PACRG: variants seen among roughly 807,000 people sequenced by gnomAD.
PACRG encodes the protein parkin coregulated gene protein.
A neutral mutation model predicts 29.7 loss-of-function variants in PACRG; 29 were observed. That is an observed-to-expected ratio of 0.98 (90% CI 0.73 to 1.33). The LOEUF (loss-of-function observed/expected upper bound fraction) is 1.33. PACRG is among the 40% of genes most tolerant of loss of function. The probability of loss-of-function intolerance (pLI) is 0.00; values close to 1 mark genes in which losing one functional copy is unlikely to be tolerated. For missense variants in PACRG, 279 were observed against 316.2 expected (o/e 0.88, Z 0.89); for synonymous variants, 116 against 118.7 (o/e 0.98, Z 0.15).
At chr6:162,978,063 G>C (rs997793414) in intron 2 of PACRG, among the ~76,000 whole-genome samples, 1 of 150,610 alleles carries the variant, frequency 6.6e-6, no homozygotes, top group African/African-American at 2.5e-5. Flanking sequence ...AGAATCACTT[G>C]AACCCGGGAG....
intron 4 of PACRG, among the ~76,000 whole-genome samples, chr6:163,099,081 C>T (rs920642396): frequency 5.9e-5 from 9 of 152,312 alleles, no homozygotes; most frequent in African/African-American, 2.2e-4. Context: ...GGGGATGCAG[C>T]CCAGTGGGTC....
intron 2 of PACRG, among the ~76,000 whole-genome samples, chr6:162,895,110 C>A (rs1795066438): frequency 6.7e-6 from 1 of 149,138 alleles, no homozygotes. Context: ...CCCCCGCCCC[C>A]AAAAAAAAAT....
chr6:163,067,699 G>A (rs768799171), intron 3 of PACRG, among the ~76,000 whole-genome samples: 2 of 152,130 alleles, frequency 1.3e-5, no homozygotes, highest in Non-Finnish European at 2.9e-5. Flanking sequence ...TCTTGATTTG[G>A]AAACTCCTTT....
chr6:163,095,599 T>C (rs532753560), intron 4 of PACRG: 157 of 275,762 alleles, frequency 5.7e-4, no homozygotes, highest in African/African-American at 3.5e-3. Context: ...CTGCTGCTTC[T>C]AGCTTCCGGA....
chr6:163,123,533 C>G (rs1039797026), intron 4 of PACRG, among the ~76,000 whole-genome samples: 1 of 152,182 alleles, frequency 6.6e-6, no homozygotes, highest in African/African-American at 2.4e-5. Context: ...TTACTACCCT[C>G]CTAACAGAAT....
chr6:162,886,911 A>G (rs1440899691), intron 2 of PACRG, among the ~76,000 whole-genome samples: 1 of 152,146 alleles, frequency 6.6e-6, no homozygotes, highest in Non-Finnish European at 1.5e-5. Context: ...TATTATTATT[A>G]TTAGTATTAT....
chr6:162,943,643 ACT>A lies in PACRG; in HGVS notation c.292-118505_292-118504del, dbSNP rs556200000. On this transcript the variant is annotated intron_variant, in intron 2 of 4. Transcript: ENST00000366888. ...CACCACTTGGGGAGCCTGAGGACAG[ACT>A]CACTTAGCCTGGCTCCACCACCTCC... 1.6e-4 allele frequency among the ~76,000 whole-genome samples: 24 copies of A among 151,972 alleles called. No homozygotes were observed. In the East Asian group the frequency reaches 4.5e-3, roughly 28 times the overall value.
chr6:162,770,138 G>A (rs929499424), intron 1 of PACRG, among the ~76,000 whole-genome samples: 1 of 152,018 alleles, frequency 6.6e-6, no homozygotes, highest in Non-Finnish European at 1.5e-5. Context: ...TGCTGCTAAG[G>A]CTTTTTAAAC....
chr6:162,855,557 G>A (rs1791318164), intron 2 of PACRG, among the ~76,000 whole-genome samples: 1 of 152,116 alleles, frequency 6.6e-6, no homozygotes. Context: ...ATATTGAAAT[G>A]GCTTTCAAAA....
At chr6:162,953,022 G>A (rs1010081198) in intron 2 of PACRG, among the ~76,000 whole-genome samples, 12 of 152,060 alleles carry the variant, frequency 7.9e-5, no homozygotes, top group African/African-American at 2.2e-4. Flanking sequence ...ATTCTTTGGC[G>A]TACAAAAATT....
intron 1 of PACRG, among the ~76,000 whole-genome samples, chr6:162,745,078 A>T (rs1190897563): frequency 1.3e-5 from 2 of 152,298 alleles, no homozygotes; most frequent in East Asian, 3.9e-4. Flanking sequence ...GATAACTTTC[A>T]TATTTAATGG....
chr6:163,011,775 A>G (rs1462450750), intron 2 of PACRG, among the ~76,000 whole-genome samples: 1 of 152,146 alleles, frequency 6.6e-6, no homozygotes. Context: ...TCCTTATTCT[A>G]TAAGCTCTTT....
At chr6:163,227,447 G>A (rs570287338) in intron 4 of PACRG, among the ~76,000 whole-genome samples, 4 of 152,256 alleles carry the variant, frequency 2.6e-5, no homozygotes, top group East Asian at 3.9e-4. Context: ...ACATTTGAGC[G>A]CGATCAGATA....
chr6:163,302,934 G>C (rs1369822265), intron 4 of PACRG, among the ~76,000 whole-genome samples: 2 of 152,166 alleles, frequency 1.3e-5, no homozygotes, highest in African/African-American at 4.8e-5. Flanking sequence ...TTGTTATGAT[G>C]GTGAGCACTG....
At chr6:162,763,557 C>T (rs977693352) in intron 1 of PACRG, among the ~76,000 whole-genome samples, 9 of 152,116 alleles carry the variant, frequency 5.9e-5, no homozygotes, top group South Asian at 4.1e-4. Context: ...CAGAGTTTAA[C>T]GATATTCACA....
intron 1 of PACRG, among the ~76,000 whole-genome samples, chr6:162,764,784 C>A (rs1468012775): frequency 6.6e-6 from 1 of 151,136 alleles, no homozygotes; most frequent in Non-Finnish European, 1.5e-5. Context: ...TGCTCTGTTG[C>A]CCAGGCTGGA....
At chr6:162,888,169 G>C (rs1794497088) in intron 2 of PACRG, among the ~76,000 whole-genome samples, 1 of 151,872 alleles carries the variant, frequency 6.6e-6, no homozygotes, top group South Asian at 2.1e-4. Context: ...TCCTCATCTA[G>C]GGGGTTTCTG....
intron 4 of PACRG, among the ~76,000 whole-genome samples, chr6:163,286,057 T>A (rs779033341): frequency 3.9e-5 from 6 of 152,226 alleles, no homozygotes; most frequent in Non-Finnish European, 7.3e-5. Flanking sequence ...TGGAGCATGA[T>A]CTATCTTTAT....
chr6:162,794,013 A>G (rs568827437), intron 1 of PACRG, among the ~76,000 whole-genome samples: 16 of 152,320 alleles, frequency 1.1e-4, no homozygotes, highest in African/African-American at 3.8e-4. Flanking sequence ...TTTAAAAAGT[A>G]TGCATTTTTA....
Sources: gnomAD v4.1 joint callset for allele counts (sites outside exome capture counted in the v4.1 genomes callset) on GRCh38, gnomAD v4.1.1 for gene constraint, MANE v1.5 for transcripts, NCBI Gene and HGNC (gene_info 2026-07-23, HGNC 2026-07-21) for gene names.